Variants in LDB3 observed in about 807,000 individuals in gnomAD.
The protein encoded by LDB3 is LIM domain binding 3.
Under a neutral mutation model 69.0 loss-of-function variants are expected in LDB3, and 49 were observed. The ratio of observed to expected loss-of-function variants is 0.71; its 90% CI spans 0.56 to 0.90. LDB3 has a LOEUF of 0.90. LDB3 is among the 40% of genes least tolerant of loss of function. LDB3 has a pLI of 0.00. For synonymous variants in LDB3, 387 were observed against 396.2 expected, an observed-to-expected ratio of 0.98 and a Z score of 0.28; for missense variants, 928 against 974.1, an observed-to-expected ratio of 0.95 and a Z score of 0.63.
At chr10:86,704,786 G>C (rs1482577910) in intron 7 of LDB3, among the ~76,000 whole-genome samples, 1 of 152,012 alleles carries the variant, frequency 6.6e-6, no homozygotes, top group African/African-American at 2.4e-5. Flanking sequence ...GTTTCACTGT[G>C]TTAGCCAGGA....
chr10:86,698,465 G>A (rs894855985), intron 7 of LDB3, among the ~76,000 whole-genome samples: 5 of 152,148 alleles, frequency 3.3e-5, no homozygotes, highest in Admixed American at 2.0e-4. Flanking sequence ...GGATTCTGAC[G>A]CCTGTGGCAC....
chr10:86,689,229 A>G (rs1245871667), intron 5 of LDB3, among the ~76,000 whole-genome samples: 1 of 151,742 alleles, frequency 6.6e-6, no homozygotes, highest in Non-Finnish European at 1.5e-5. Context: ...ATGGACGCGC[A>G]CTCACGGCTG....
chr10:86,679,417 C>T lies in LDB3; in HGVS notation c.144C>T (p.Leu48=), dbSNP rs397517213. ...AAQSQLSQGD[L]VVAIDGVNTD... The stretch of plus-strand genomic sequence containing the variant: ...AGTCCCAGCTCAGCCAGGGTGACCT[C>T]GTGGTGGCCATTGACGGCGTCAACA... Residue 48 remains leucine (L), a synonymous_variant, in exon 3 of 14, where the codon CTC becomes CTT. Coordinates refer to ENST00000361373, the MANE Select transcript of LDB3 (RefSeq NM_007078.3). 3.1e-6 allele frequency: 5 copies of T among 1,614,052 alleles called. No homozygotes were observed. Among genetic ancestry groups the T allele is most frequent in the Non-Finnish European group, 4.2e-6 (5 of 1,180,046 alleles).
intron 7 of LDB3, among the ~76,000 whole-genome samples, chr10:86,703,328 G>A (rs1460841199): frequency 6.6e-6 from 1 of 152,244 alleles, no homozygotes; most frequent in East Asian, 1.9e-4. Flanking sequence ...CGTGGCTACA[G>A]AGACTGCAGC....
chr10:86,678,278 C>T (rs1844913961), intron 2 of LDB3, among the ~76,000 whole-genome samples: 1 of 150,622 alleles, frequency 6.6e-6, no homozygotes, highest in Non-Finnish European at 1.5e-5. Flanking sequence ...CTCAGGTGAT[C>T]TGCCTGCCTC....
intron 2 of LDB3, among the ~76,000 whole-genome samples, chr10:86,675,561 C>T (rs117446222): frequency 5.9e-5 from 9 of 152,348 alleles, no homozygotes; most frequent in South Asian, 4.1e-4. Flanking sequence ...GGTGCCCTGC[C>T]GTGAGAGAGC....
In LDB3 at chr10:86,699,617, A is replaced by G. The variant is rs1846170119; in HGVS notation, c.897-6914A>G. The G allele has an allele frequency of 7.4e-7, 1 of 1,357,122 alleles. No homozygotes were observed. The highest frequency in any genetic ancestry group is 1.5e-5 in the African/African-American group (1 of 67,766). The allele number at this position is 1,357,122 out of a possible 1,614,324, so 84.1% of individuals were successfully genotyped here. On this transcript the variant is annotated intron_variant, in intron 7 of 13. Transcript: ENST00000361373. The surrounding 1 kb of genome is among the most constrained non-coding windows in gnomAD (Gnocchi z 4.9). ...GGGCAACCCTCGCCACCCCCCAAATAGCCCGTAGCCCAATCCCCTGCCCTC... is the reference window on the plus strand; with the variant it reads ...GGGCAACCCTCGCCACCCCCCAAATGGCCCGTAGCCCAATCCCCTGCCCTC...
At chr10:86,719,703 A>G (rs1589678645) in intron 12 of LDB3, among the ~76,000 whole-genome samples, 1 of 152,252 alleles carries the variant, frequency 6.6e-6, no homozygotes, top group East Asian at 1.9e-4. Flanking sequence ...GATATTTATC[A>G]GACTTTGATG....
upstream of LDB3, among the ~76,000 whole-genome samples, chr10:86,667,053 G>T (rs1292690773): frequency 6.6e-6 from 1 of 152,160 alleles, no homozygotes; most frequent in Non-Finnish European, 1.5e-5. Flanking sequence ...GCTGGCCATG[G>T]ACTGCTGGCC....
intron 8 of LDB3, among the ~76,000 whole-genome samples, chr10:86,708,582 G>C (rs1243697325): frequency 6.6e-6 from 1 of 152,178 alleles, no homozygotes; most frequent in Non-Finnish European, 1.5e-5. Flanking sequence ...CTTGGACACT[G>C]TCTCTTCCTC....
chr10:86,666,815 AGCCAGAG>A (rs1225028570), upstream of LDB3: 1 of 470,906 alleles, frequency 2.1e-6, no homozygotes, highest in Middle Eastern at 3.3e-4. Context: ...ATCAGGCAGG[AGCCAGAG>A]GCCAGAGAGA....
intron 9 of LDB3, among the ~76,000 whole-genome samples, chr10:86,711,479 G>C (rs1463756382): frequency 6.6e-6 from 1 of 151,792 alleles, no homozygotes; most frequent in Non-Finnish European, 1.5e-5. Context: ...CTCCCTCTCC[G>C]GGAGGCCCGG....
At position 86,724,719 on chromosome 10, in the gene LDB3, C is replaced by T. The variant is rs368957394; in HGVS notation, c.1979-1418C>T. On this transcript the variant is annotated intron_variant, in intron 12 of 13. Transcript: ENST00000361373. Reference sequence around the variant, plus strand: ...GAGGATTAAACAGGAGGCATAATGGCACTCAAATCATTGTTCCTTTCCCTC... The same window carrying T: ...GAGGATTAAACAGGAGGCATAATGGTACTCAAATCATTGTTCCTTTCCCTC... Among the ~76,000 whole-genome samples the T allele has an allele frequency of 5.9e-5, 9 of 152,272 alleles. No individual in the cohort carries two copies. In the East Asian group the frequency reaches 1.2e-3, roughly 20 times the overall value.
chr10:86,696,643 C>G (rs930361012), intron 7 of LDB3, among the ~76,000 whole-genome samples: 1 of 152,220 alleles, frequency 6.6e-6, no homozygotes, highest in Admixed American at 6.5e-5. Flanking sequence ...TAGGACTTGA[C>G]GATTTACAGG....
Position 86,716,321 on chromosome 10 carries a change from T to G in LDB3, c.1232-6T>G, listed in dbSNP as rs1477840475. On this transcript the variant is annotated splice_region_variant and splice_polypyrimidine_tract_variant and intron_variant, in intron 9 of 13. Transcript: ENST00000361373. ...CCTTTCTTTGGGTTTTTTTTGGCTT[T>G]TGCAGTGCCTGCATCTACCTACAGC... 1.2e-6 allele frequency: 2 copies of G among 1,611,760 alleles called. No individual in the cohort carries two copies. The highest frequency in any genetic ancestry group is 4.5e-5 in the East Asian group (2 of 44,868).
Position 86,699,747 on chromosome 10 carries a change from C to T in LDB3, c.897-6784C>T, listed in dbSNP as rs1846176448. 1.8e-6 allele frequency: 2 copies of T among 1,118,808 alleles called. No individual in the cohort carries two copies. Among genetic ancestry groups the T allele is most frequent in the Non-Finnish European group, 2.2e-6 (2 of 907,342 alleles). 69.3% of individuals were successfully genotyped at this position (1,118,808 alleles called of 1,614,324 possible). ...GGGCCGCTGCTCAGTTTCCCACCAT[C>T]CTCAGCTCCTGGCCTCATCCCCTCC... On this transcript the variant is annotated intron_variant, in intron 7 of 13. Coordinates refer to ENST00000361373, the MANE Select transcript of LDB3 (RefSeq NM_007078.3). This position sits in a 1 kb window ranked among gnomAD's most constrained non-coding sequence, Gnocchi z 4.9.
chr10:86,710,197 C>A, intron 9 of LDB3, 147 bp downstream of exon 9: 1 of 1,521,998 alleles, frequency 6.6e-7, no homozygotes, highest in Admixed American at 2.0e-5. Context: ...CGTCCCCTAG[C>A]TGTGGGTCAG....
At chr10:86,681,944 C>T in intron 5 of LDB3, 141 bp downstream of exon 5, 1 of 871,736 alleles carries the variant, frequency 1.1e-6, no homozygotes, top group Non-Finnish European at 1.8e-6. Context: ...CAGCAGTGAT[C>T]CTGCGGCATT....
intron 2 of LDB3, among the ~76,000 whole-genome samples, chr10:86,669,148 C>T (rs1347924832): frequency 6.6e-6 from 1 of 152,184 alleles, no homozygotes; most frequent in Non-Finnish European, 1.5e-5. Flanking sequence ...GAGCATTTCC[C>T]TAGATATGGG....
Sources: gnomAD v4.1 joint callset for allele counts (sites outside exome capture counted in the v4.1 genomes callset) on GRCh38, gnomAD v4.1.1 for gene constraint, Gnocchi (gnomAD v3.1) non-coding constraint, MANE v1.5 for transcripts, NCBI Gene and HGNC (gene_info 2026-07-23, HGNC 2026-07-21) for gene names.